Variants in HIBADH observed in about 807,000 individuals in gnomAD.
HIBADH encodes 3-hydroxyisobutyrate dehydrogenase, mitochondrial.
A neutral mutation model predicts 36.1 loss-of-function variants in HIBADH; 25 were observed. That is an observed-to-expected ratio of 0.69 (90% CI 0.50 to 0.97). The LOEUF (loss-of-function observed/expected upper bound fraction) is 0.97. Among genes scored for constraint, HIBADH ranks in the 50% least tolerant of loss-of-function variants. The pLI, the probability that HIBADH is intolerant of heterozygous loss-of-function variation, is 0.00. For synonymous variants in HIBADH, 160 were observed against 149.5 expected (o/e 1.07, Z -0.51); for missense variants, 421 against 418.0 (o/e 1.01, Z -0.06).
chr7:27,649,559 TTG>T lies in HIBADH; in HGVS notation c.164_165del (p.Ala55GlufsTer14). On this transcript the variant is annotated frameshift_variant, in exon 2 of 8. Transcript: ENST00000265395. LOFTEE classifies it high-confidence loss of function. ...IGLGNMGNPMAKNLMKHGYPL... is the reference protein window; with the variant it reads ...IGLGNMGNPMXKNLMKHGYPL... ...GGATAGCCATGTTTCATGAGATTTT[TTG>T]CCATTGGATTCCCCATGTTGCCCAG... 1 of 1,614,050 alleles carries T rather than the reference TTG, an allele frequency of 6.2e-7. No homozygotes were observed. The highest frequency in any genetic ancestry group is 8.5e-7 in the Non-Finnish European group (1 of 1,179,954).
intron 2 of HIBADH, among the ~76,000 whole-genome samples, chr7:27,635,070 C>G (rs1296508470): frequency 3.0e-5 from 4 of 133,252 alleles, no homozygotes; most frequent in Non-Finnish European, 6.3e-5. Flanking sequence ...CTCTCTCTTT[C>G]TCTCTCTCTC....
intron 2 of HIBADH, among the ~76,000 whole-genome samples, chr7:27,637,223 A>G (rs1785855818): frequency 1.3e-5 from 2 of 152,222 alleles, no homozygotes; most frequent in African/African-American, 2.4e-5. Flanking sequence ...AAGAAATTTA[A>G]GCAGAGAAAG....
chr7:27,601,816 A>G (rs1785134557), intron 4 of HIBADH, among the ~76,000 whole-genome samples: 1 of 152,138 alleles, frequency 6.6e-6, no homozygotes. Context: ...ACTAGATTAA[A>G]GCACTTAAAA....
chr7:27,654,447 G>A (rs1010727094), intron 1 of HIBADH, among the ~76,000 whole-genome samples: 3 of 151,950 alleles, frequency 2.0e-5, no homozygotes, highest in East Asian at 1.9e-4. Flanking sequence ...ACAATCAAAC[G>A]CACAAGAGCA....
chr7:27,571,984 CT>C (rs1414850304), intron 4 of HIBADH, among the ~76,000 whole-genome samples: 5 of 152,196 alleles, frequency 3.3e-5, no homozygotes, highest in African/African-American at 1.2e-4. Flanking sequence ...AACTAGCAGG[CT>C]TACGATCCAT....
chr7:27,581,057 G>C (rs28539571), intron 4 of HIBADH, among the ~76,000 whole-genome samples: 23 of 152,134 alleles, frequency 1.5e-4, no homozygotes, highest in Non-Finnish European at 3.1e-4. Flanking sequence ...GGATACCAGA[G>C]GCATAGAGAC....
chr7:27,661,568 C>A (rs189277110), intron 1 of HIBADH, among the ~76,000 whole-genome samples: 3 of 102,332 alleles, frequency 2.9e-5, no homozygotes, highest in African/African-American at 1.2e-4. Flanking sequence ...CCAGCCTGGG[C>A]GACAGAGACC....
chr7:27,558,751 CCA>C (rs899728352), intron 4 of HIBADH, among the ~76,000 whole-genome samples: 1 of 152,162 alleles, frequency 6.6e-6, no homozygotes, highest in African/African-American at 2.4e-5. Context: ...AAAATCTCTT[CCA>C]CAGTTTTAGC....
chr7:27,608,608 G>A (rs1785271946), intron 4 of HIBADH, among the ~76,000 whole-genome samples: 1 of 152,084 alleles, frequency 6.6e-6, no homozygotes, highest in African/African-American at 2.4e-5. Flanking sequence ...CCACCTCACT[G>A]CCAATGCTAT....
chr7:27,544,465 A>G (rs1027706282), intron 4 of HIBADH, among the ~76,000 whole-genome samples: 5 of 152,218 alleles, frequency 3.3e-5, no homozygotes, highest in African/African-American at 1.2e-4. Flanking sequence ...ACAAAAACCC[A>G]ATTTATAAAA....
intron 4 of HIBADH, among the ~76,000 whole-genome samples, chr7:27,551,355 GA>G (rs1193537780): frequency 1.4e-4 from 22 of 152,226 alleles, no homozygotes; most frequent in Non-Finnish European, 3.1e-4. Flanking sequence ...TTCTTCATCT[GA>G]AAACAGTGAT....
At chr7:27,533,421 C>T (rs574220934) in intron 6 of HIBADH, among the ~76,000 whole-genome samples, 162 of 152,158 alleles carry the variant, frequency 1.1e-3, no homozygotes, top group African/African-American at 3.6e-3. Context: ...TGATGCTTCC[C>T]CACCGTGCTG....
chr7:27,526,418 G>C, intron 7 of HIBADH, 46 bp from the exon 8 acceptor site: 1 of 1,523,674 alleles, frequency 6.6e-7, no homozygotes, highest in Non-Finnish European at 8.9e-7. Context: ...GGTGGTAAAG[G>C]CTCTTTGGAA....
intron 4 of HIBADH, among the ~76,000 whole-genome samples, chr7:27,611,128 C>T (rs1174995493): frequency 6.6e-6 from 1 of 152,166 alleles, no homozygotes; most frequent in Non-Finnish European, 1.5e-5. Flanking sequence ...TATACAAACA[C>T]ATACACACAA....
intron 4 of HIBADH, among the ~76,000 whole-genome samples, chr7:27,603,321 G>C (rs1225935883): frequency 6.6e-6 from 1 of 151,902 alleles, no homozygotes; most frequent in African/African-American, 2.4e-5. Context: ...TTGTTTTTTT[G>C]TAACCTAAAC....
chr7:27,526,900 G>A (rs1219491679), intron 7 of HIBADH, among the ~76,000 whole-genome samples: 1 of 152,076 alleles, frequency 6.6e-6, no homozygotes, highest in Non-Finnish European at 1.5e-5. Context: ...GGTATAATTG[G>A]ATAGGAGGAG....
intron 1 of HIBADH, among the ~76,000 whole-genome samples, chr7:27,661,653 T>G (rs552201208): frequency 6.6e-6 from 1 of 152,120 alleles, no homozygotes; most frequent in South Asian, 2.1e-4. Context: ...ACTATTTTTT[T>G]TTTAAGCAAA....
intron 4 of HIBADH, among the ~76,000 whole-genome samples, chr7:27,571,758 T>G (rs1784632116): frequency 6.6e-6 from 1 of 152,196 alleles, no homozygotes; most frequent in African/African-American, 2.4e-5. Flanking sequence ...GAAAGAATTT[T>G]TATTCTTCTA....
At chr7:27,613,406 AT>A (rs34847398) in intron 4 of HIBADH, among the ~76,000 whole-genome samples, 18,807 of 149,700 alleles carry the variant, frequency 0.13, 1,495 homozygotes, top group Middle Eastern at 0.19. Flanking sequence ...CAACAAAAAA[AT>A]AAAGGTGGTA....
Sources: gnomAD v4.1 joint callset for allele counts (sites outside exome capture counted in the v4.1 genomes callset) on GRCh38, gnomAD v4.1.1 for gene constraint, MANE v1.5 for transcripts, NCBI Gene and HGNC (gene_info 2026-07-23, HGNC 2026-07-21) for gene names.